The following DLGAP5 variants were observed in gnomAD, a reference collection of about 807,000 sequenced individuals.
DLGAP5 encodes the protein disks large-associated protein 5.
Under a neutral mutation model 99.6 loss-of-function variants are expected in DLGAP5, and 90 were observed. That is an observed-to-expected ratio of 0.90 (90% CI 0.76 to 1.08). The LOEUF is 1.08. Ranked by LOEUF, DLGAP5 falls within the 50% of genes least tolerant of loss-of-function variation. DLGAP5 has a pLI of 0.00. For missense variants in DLGAP5, 1,036 were observed against 983.5 expected (o/e 1.05, Z -0.71); for synonymous variants, 311 against 321.3 (o/e 0.97, Z 0.34).
At chr14:55,163,222 T>A in intron 12 of DLGAP5, 147 bp from the exon 13 acceptor site, 1 of 430,524 alleles carries the variant, frequency 2.3e-6, no homozygotes, top group Non-Finnish European at 4.0e-6. Flanking sequence ...AATTTAGTGT[T>A]CAAATAATTT....
In DLGAP5 at chr14:55,177,153, G is replaced by C; in HGVS notation, c.958C>G (p.Leu320Val). 6.2e-7 allele frequency: 1 copy of C among 1,610,774 alleles called. No individual in the cohort carries two copies. Among genetic ancestry groups the C allele is most frequent in the Non-Finnish European group, 8.5e-7 (1 of 1,178,692 alleles). ...ATAGGTGTTACTTGATAGGTCTTCA[G>C]ACCATCCAGTGGCTGAAACATAAAA... is the stretch of plus-strand genomic sequence containing the variant. Reference protein sequence around the residue: ...KDFMFQPLDGLKTYQVTPMTP... With the variant: ...KDFMFQPLDGVKTYQVTPMTP... The change falls in exon 8 of 19, where the codon CTG becomes GTG. Residue 320 changes from leucine to valine, a missense_variant. Leu to Val is a conservative substitution (Grantham distance 32). Coordinates refer to ENST00000247191, the MANE Select transcript of DLGAP5 (RefSeq NM_014750.5).
At position 55,158,667 on chromosome 14, in the gene DLGAP5, T is replaced by C. The variant is rs754259895; in HGVS notation, c.1728A>G (p.Leu576=). 6.8e-6 allele frequency: 11 copies of C among 1,613,996 alleles called. No individual in the cohort carries two copies. The highest frequency in any genetic ancestry group is 8.5e-6 in the Non-Finnish European group (10 of 1,180,000). The part of the protein sequence containing the change: ...DAGRIAARNR[L]AAIKNAMRER... ...CTCTCATTGCATTTTTTATGGCAGC[T>C]AGGCGATTTCTCGCTGCAATTCTTC... The change falls in exon 14 of 19, where the codon CTA becomes CTG. Residue 576 remains leucine, a synonymous_variant. Transcript: ENST00000247191.
At chr14:55,151,661 A>G (rs781338613) in intron 17 of DLGAP5, 34 bp downstream of exon 17, 1 of 1,586,246 alleles carries the variant, frequency 6.3e-7, no homozygotes, top group Non-Finnish European at 8.6e-7. Flanking sequence ...TTTCTTTAAT[A>G]AAGGCTCGTT....
At chr14:55,176,301 C>T (rs1197797395) in intron 8 of DLGAP5, among the ~76,000 whole-genome samples, 2 of 152,080 alleles carry the variant, frequency 1.3e-5, no homozygotes, top group East Asian at 3.9e-4. Flanking sequence ...ATATTTGCTG[C>T]CAGCCAGTCT....
intron 13 of DLGAP5, 49 bp from the exon 14 acceptor site, chr14:55,158,790 GA>G: frequency 2.2e-6 from 3 of 1,334,512 alleles, no homozygotes; most frequent in South Asian, 1.3e-5. Context: ...CATCTTACAA[GA>G]AAAACACACA....
In DLGAP5 at chr14:55,153,845, C is replaced by G. The variant is rs1262707874; in HGVS notation, c.2063+772G>C. Among the ~76,000 whole-genome samples, 3 of 152,192 alleles carry G rather than the reference C, an allele frequency of 2.0e-5. No individual in the cohort carries two copies. In the South Asian group the frequency reaches 6.2e-4, roughly 32 times the overall value. ...GGCCAAGGCTGGCAGATCATGAGGT[C>G]AAGAGATCAAGACCATCCTGGCCAA... On this transcript the variant is annotated intron_variant, in intron 15 of 18. Transcript: ENST00000247191.
intron 1 of DLGAP5, among the ~76,000 whole-genome samples, chr14:55,189,635 G>C (rs1883542950): frequency 1.3e-5 from 2 of 152,178 alleles, no homozygotes; most frequent in Admixed American, 1.3e-4. Context: ...GTCATATAGG[G>C]ATAATCAATA....
Position 55,175,341 on chromosome 14 carries a change from C to T in DLGAP5, c.1301+5G>A, listed in dbSNP as rs1476985220. The T allele has an allele frequency of 1.2e-6, 2 of 1,606,576 alleles. No individual in the cohort carries two copies. The highest frequency in any genetic ancestry group is 1.7e-6 in the Non-Finnish European group (2 of 1,177,834). On this transcript the variant is annotated splice_donor_5th_base_variant and intron_variant, in intron 10 of 18. Transcript: ENST00000247191. ...AATTCTTACACTAGAAACACACAGACATACCTGAAATATGGCACACCATGG... is the reference window on the plus strand; with the variant it reads ...AATTCTTACACTAGAAACACACAGATATACCTGAAATATGGCACACCATGG...
chr14:55,177,994 T>C (rs1015067061), intron 7 of DLGAP5, among the ~76,000 whole-genome samples: 1 of 150,216 alleles, frequency 6.7e-6, no homozygotes, highest in African/African-American at 2.5e-5. Flanking sequence ...GGCTCATGCC[T>C]GTAATCCCAG....
Position 55,169,559 on chromosome 14 carries a change from G to C in DLGAP5, c.1388C>G (p.Ala463Gly), listed in dbSNP as rs750155244. The C allele has an allele frequency of 6.3e-7, 1 of 1,580,408 alleles. No individual in the cohort carries two copies. Among genetic ancestry groups the C allele is most frequent in the South Asian group, 1.2e-5 (1 of 84,818 alleles). Reference sequence around the variant, plus strand: ...AACTGCTGTGCGAATAAGATCTTTAGCTGAAGGAAATAAGAGATTTTTTAA... The same window carrying C: ...AACTGCTGTGCGAATAAGATCTTTACCTGAAGGAAATAAGAGATTTTTTAA... ...RKLELDIPDDAKDLIRTAVGQ... is the reference protein window; with the variant it reads ...RKLELDIPDDGKDLIRTAVGQ... The change falls in exon 12 of 19, where the codon GCT becomes GGT. Residue 463 changes from alanine to glycine, a missense_variant and splice_region_variant. Coordinates refer to ENST00000247191, the MANE Select transcript of DLGAP5 (RefSeq NM_014750.5).
chr14:55,159,127 C>A (rs1252970645), intron 13 of DLGAP5, among the ~76,000 whole-genome samples: 1 of 148,064 alleles, frequency 6.8e-6, no homozygotes, highest in African/African-American at 2.5e-5. Context: ...AGGATGACAC[C>A]TAAACCAATC....
intron 5 of DLGAP5, 39 bp from the exon 6 acceptor site, chr14:55,180,817 T>A (rs928406237): frequency 1.2e-6 from 2 of 1,610,992 alleles, no homozygotes; most frequent in Non-Finnish European, 1.7e-6. Flanking sequence ...ATGTCCCTTG[T>A]AGTTATGAAA....
At chr14:55,162,377 T>C (rs1464077856) in intron 13 of DLGAP5, among the ~76,000 whole-genome samples, 1 of 152,170 alleles carries the variant, frequency 6.6e-6, no homozygotes, top group Non-Finnish European at 1.5e-5. Flanking sequence ...CCCAGCACTT[T>C]GGGAGGCCGA....
chr14:55,172,473 A>AT (rs1193941154), intron 10 of DLGAP5, among the ~76,000 whole-genome samples: 1 of 151,096 alleles, frequency 6.6e-6, no homozygotes, highest in Admixed American at 6.6e-5. Flanking sequence ...CTTTATTTTT[A>AT]TTTTTTTTAA....
intron 14 of DLGAP5, among the ~76,000 whole-genome samples, chr14:55,156,947 C>T (rs768479511): frequency 1.3e-5 from 2 of 151,996 alleles, no homozygotes; most frequent in Non-Finnish European, 2.9e-5. Flanking sequence ...ACAGTAAGTA[C>T]AGGAAAGAAA....
Position 55,175,282 on chromosome 14 carries a change from A to T in DLGAP5, c.1301+64T>A, listed in dbSNP as rs553045865. On this transcript the variant is annotated intron_variant, in intron 10 of 18. Coordinates refer to ENST00000247191, the MANE Select transcript of DLGAP5 (RefSeq NM_014750.5). ...CACTATATTAAGGTTAAAAATTTTT[A>T]GTTTTGGTTTTAAATGTCTAGATAT... The T allele has an allele frequency of 4.0e-6, 6 of 1,491,362 alleles. No individual in the cohort carries two copies. In the Admixed American group the frequency reaches 1.3e-4, roughly 33 times the overall value. 92.4% of individuals were successfully genotyped at this position (1,491,362 alleles called of 1,614,324 possible).
intron 12 of DLGAP5, among the ~76,000 whole-genome samples, chr14:55,163,412 T>C (rs1348977134): frequency 6.6e-6 from 1 of 152,220 alleles, no homozygotes; most frequent in Admixed American, 6.5e-5. Context: ...TTTTTTTTTA[T>C]TTATCCATTC....
At chr14:55,170,566 TAA>T in intron 11 of DLGAP5, 134 bp downstream of exon 11, 1 of 706,216 alleles carries the variant, frequency 1.4e-6, no homozygotes, top group Non-Finnish European at 2.3e-6. Flanking sequence ...GACATCAAGT[TAA>T]AAAAGAAAAA....
At chr14:55,166,362 T>C (rs963518828) in intron 12 of DLGAP5, among the ~76,000 whole-genome samples, 7 of 152,098 alleles carry the variant, frequency 4.6e-5, no homozygotes, top group African/African-American at 1.4e-4. Flanking sequence ...AGTAAGTAGA[T>C]TAGTGGTTGC....
Sources: allele counts gnomAD v4.1 joint callset (sites outside exome capture counted in the v4.1 genomes callset), GRCh38; gene constraint gnomAD v4.1.1; transcripts MANE v1.5; gene names NCBI Gene and HGNC (gene_info 2026-07-23, HGNC 2026-07-21).